The following CDKAL1 variants were observed in gnomAD, a reference collection of about 807,000 sequenced individuals.
CDKAL1 encodes CDKAL1 threonylcarbamoyladenosine tRNA methylthiotransferase.
In CDKAL1, 32 loss-of-function variants were observed where a neutral mutation model predicts 68.2. That is an observed-to-expected ratio of 0.47 (90% CI 0.35 to 0.63). CDKAL1 has a LOEUF of 0.63. Among genes scored for constraint, CDKAL1 ranks in the 30% least tolerant of loss-of-function variants. The pLI is 0.00. For synonymous variants in CDKAL1, 234 were observed against 244.3 expected (o/e 0.96, Z 0.39); for missense variants, 606 against 696.7 (o/e 0.87, Z 1.47).
At chr6:20,588,940 T>TG (rs1765482938) in intron 4 of CDKAL1, among the ~76,000 whole-genome samples, 1 of 152,214 alleles carries the variant, frequency 6.6e-6, no homozygotes, top group African/African-American at 2.4e-5. Context: ...TTTTATAAAA[T>TG]GGAAAGTTTG....
chr6:20,551,556 G>A (rs1184032470), intron 4 of CDKAL1, among the ~76,000 whole-genome samples: 1 of 151,332 alleles, frequency 6.6e-6, no homozygotes, highest in Admixed American at 6.6e-5. Flanking sequence ...TTTTTTAGTA[G>A]AGACGGGGTT....
intron 8 of CDKAL1, among the ~76,000 whole-genome samples, chr6:20,843,215 C>A (rs1265928431): frequency 2.0e-5 from 3 of 151,974 alleles, no homozygotes; most frequent in African/African-American, 7.3e-5. Flanking sequence ...CAGTAGCCAA[C>A]ACTTACTGAT....
intron 11 of CDKAL1, among the ~76,000 whole-genome samples, chr6:21,000,830 G>A (rs573497902): frequency 1.3e-5 from 2 of 152,252 alleles, no homozygotes; most frequent in South Asian, 4.2e-4. Flanking sequence ...TTTTACACAC[G>A]AAGCCCTGCA....
At chr6:21,207,638 A>G (rs1282231222) in intron 15 of CDKAL1, among the ~76,000 whole-genome samples, 3 of 152,226 alleles carry the variant, frequency 2.0e-5, no homozygotes, top group African/African-American at 7.2e-5. Context: ...TACAAAAAAT[A>G]TGATCTTGGG....
At chr6:21,059,053 C>T (rs1048118794) in intron 11 of CDKAL1, among the ~76,000 whole-genome samples, 3 of 152,328 alleles carry the variant, frequency 2.0e-5, no homozygotes, top group East Asian at 1.9e-4. Flanking sequence ...AGCTGCCCCT[C>T]CCCTCAGGGT....
intron 8 of CDKAL1, among the ~76,000 whole-genome samples, chr6:20,819,016 C>T (rs1318432255): frequency 1.3e-5 from 2 of 151,996 alleles, no homozygotes; most frequent in Non-Finnish European, 2.9e-5. Flanking sequence ...ATAAAACAAT[C>T]ATTTTGTTGA....
At chr6:20,551,843 A>G (rs1351423108) in intron 4 of CDKAL1, among the ~76,000 whole-genome samples, 5 of 151,948 alleles carry the variant, frequency 3.3e-5, no homozygotes, top group South Asian at 4.2e-4. Context: ...TTGCCTTACC[A>G]TATTCTGATG....
intron 9 of CDKAL1, among the ~76,000 whole-genome samples, chr6:20,867,193 G>C (rs1759955721): frequency 6.6e-6 from 1 of 152,166 alleles, no homozygotes; most frequent in African/African-American, 2.4e-5. Flanking sequence ...TTGTATCTCA[G>C]TGTAATATAG....
intron 9 of CDKAL1, among the ~76,000 whole-genome samples, chr6:20,953,502 C>A (rs1764637396): frequency 1.3e-5 from 2 of 152,132 alleles, no homozygotes; most frequent in South Asian, 4.1e-4. Context: ...GTTTTTATAA[C>A]CTCTTTCAGA....
chr6:20,763,204 G>A (rs1359762081), intron 7 of CDKAL1, among the ~76,000 whole-genome samples: 2 of 152,014 alleles, frequency 1.3e-5, no homozygotes, highest in Admixed American at 6.6e-5. Context: ...ATCCATTCCC[G>A]TCTCTCCTTC....
At chr6:21,219,698 A>T (rs1463067723) in intron 15 of CDKAL1, among the ~76,000 whole-genome samples, 1 of 152,212 alleles carries the variant, frequency 6.6e-6, no homozygotes, top group African/African-American at 2.4e-5. Flanking sequence ...ACTGAAAATG[A>T]TACTAAGAAC....
At chr6:21,086,451 A>G (rs1772699710) in intron 12 of CDKAL1, among the ~76,000 whole-genome samples, 1 of 152,204 alleles carries the variant, frequency 6.6e-6, no homozygotes, top group South Asian at 2.1e-4. Context: ...TTAAAGACAA[A>G]TTCCATGTTC....
At chr6:20,982,967 A>G (rs1766237722) in intron 10 of CDKAL1, among the ~76,000 whole-genome samples, 1 of 152,210 alleles carries the variant, frequency 6.6e-6, no homozygotes, top group Admixed American at 6.5e-5. Context: ...CTGATCCTAT[A>G]GCTTTGGAGC....
intron 4 of CDKAL1, among the ~76,000 whole-genome samples, chr6:20,625,375 AT>A (rs1561976965): frequency 6.6e-6 from 1 of 152,052 alleles, no homozygotes; most frequent in African/African-American, 2.4e-5. Flanking sequence ...TCCATTTTGC[AT>A]TTTTGGTGTT....
At chr6:21,185,287 A>G (rs1016199718) in intron 13 of CDKAL1, among the ~76,000 whole-genome samples, 2 of 151,978 alleles carry the variant, frequency 1.3e-5, no homozygotes, top group Non-Finnish European at 1.5e-5. Context: ...ATCAAAAAAT[A>G]TAGCTCAGAA....
At chr6:21,165,164 C>A (rs1464330861) in intron 13 of CDKAL1, among the ~76,000 whole-genome samples, 1 of 152,182 alleles carries the variant, frequency 6.6e-6, no homozygotes, top group Non-Finnish European at 1.5e-5. Context: ...TAGCCCTTTC[C>A]TTCCACTTTC....
At chr6:20,626,782 G>A (rs1767450923) in intron 4 of CDKAL1, among the ~76,000 whole-genome samples, 1 of 152,220 alleles carries the variant, frequency 6.6e-6, no homozygotes, top group East Asian at 1.9e-4. Flanking sequence ...TCACCTTTCT[G>A]TTTGAAGCAC....
intron 4 of CDKAL1, among the ~76,000 whole-genome samples, chr6:20,582,332 G>A (rs1232726632): frequency 5.3e-5 from 8 of 152,164 alleles, no homozygotes; most frequent in Admixed American, 2.0e-4. Context: ...TAAATAAATT[G>A]TTTTGACTAA....
At chr6:20,839,653 C>G (rs1778096884) in intron 8 of CDKAL1, among the ~76,000 whole-genome samples, 1 of 152,082 alleles carries the variant, frequency 6.6e-6, no homozygotes, top group African/African-American at 2.4e-5. Flanking sequence ...GCTCTCGTCT[C>G]CAAGCTTTAC....
Sources: allele counts gnomAD v4.1 joint callset (sites outside exome capture counted in the v4.1 genomes callset), GRCh38; gene constraint gnomAD v4.1.1; transcripts MANE v1.5; gene names NCBI Gene and HGNC (gene_info 2026-07-23, HGNC 2026-07-21).